PRKN: variants seen among roughly 807,000 people sequenced by gnomAD.
PRKN encodes parkin RBR E3 ubiquitin protein ligase.
In PRKN, 56 loss-of-function variants were observed where a neutral mutation model predicts 59.5. The ratio of observed to expected loss-of-function variants is 0.94; its 90% confidence interval spans 0.76 to 1.18. The LOEUF (loss-of-function observed/expected upper bound fraction) is 1.18, where lower values mean the gene tolerates loss of function less well. PRKN is among the 50% of genes most tolerant of loss of function. PRKN has a pLI of 0.00. For synonymous variants in PRKN, 250 were observed against 222.1 expected, an observed-to-expected ratio of 1.13 and a Z score of -1.12; for missense variants, 657 against 596.4, an observed-to-expected ratio of 1.10 and a Z score of -1.06.
Position 161,378,660 on chromosome 6 carries a change from G to A in PRKN, c.1167+8134C>T, listed in dbSNP as rs1785833444. Among the ~76,000 whole-genome samples the A allele has an allele frequency of 6.6e-6, 1 of 152,192 alleles. No individual in the cohort carries two copies. The highest frequency in any genetic ancestry group is 1.5e-5 in the Non-Finnish European group (1 of 68,030). The stretch of plus-strand genomic sequence containing the variant: ...GTGGGTGCATACCCATGGGAACACT[G>A]GTCCTGTCACACATCCTACTGCCCA... On this transcript the variant is annotated intron_variant, in intron 10 of 11. Transcript: ENST00000366898. This position sits in a 1 kb window ranked among gnomAD's most constrained non-coding sequence, Gnocchi z 7.3.
At chr6:161,685,283 C>T (rs1343416482) in intron 7 of PRKN, among the ~76,000 whole-genome samples, 2 of 152,246 alleles carry the variant, frequency 1.3e-5, no homozygotes, top group East Asian at 3.9e-4. Flanking sequence ...ACGTTCTGCT[C>T]ACATGTACCA....
chr6:162,097,524 T>TTAAGGAAATAAATTTTGCCTGC (rs1203102211), intron 4 of PRKN, among the ~76,000 whole-genome samples: 2 of 152,190 alleles, frequency 1.3e-5, no homozygotes, highest in Non-Finnish European at 2.9e-5. Context: ...GTAATGGTGG[T>TTAAGGAAATAAATTTTGCCTGC]TAAGGAAATA....
intron 1 of PRKN, among the ~76,000 whole-genome samples, chr6:162,479,212 A>C (rs1792173995): frequency 6.6e-6 from 1 of 151,910 alleles, no homozygotes; most frequent in African/African-American, 2.4e-5. Context: ...TTAAAAAAAA[A>C]AACAACCTTT....
chr6:161,570,097 A>G (rs1452900144), intron 7 of PRKN, among the ~76,000 whole-genome samples: 1 of 140,418 alleles, frequency 7.1e-6, no homozygotes, highest in African/African-American at 2.7e-5. Context: ...TTCCTTCTTC[A>G]GTTGTAAAAC....
chr6:161,872,301 T>C (rs531975825), intron 6 of PRKN, among the ~76,000 whole-genome samples: 110 of 152,100 alleles, frequency 7.2e-4, no homozygotes, highest in Non-Finnish European at 1.4e-3. Context: ...AGATGAGCCA[T>C]AAGCCATTGA....
At chr6:162,686,245 G>C (rs995722025) in intron 1 of PRKN, among the ~76,000 whole-genome samples, 3 of 152,072 alleles carry the variant, frequency 2.0e-5, no homozygotes. Context: ...AACTTAAAGG[G>C]TCAGATTCTT....
rs202000685 is a variant in PRKN, at chr6:161,902,536, A to ATCTG, written c.734+70765_734+70766insCAGA. On this transcript the variant is annotated intron_variant, in intron 6 of 11. Transcript: ENST00000366898. ...GTAATAGACATCCGTCTATCTATCT[A>ATCTG]TCTATCTATCTATTTATTTATTTAT... 7.7e-5 allele frequency among the ~76,000 whole-genome samples: 6 copies of ATCTG among 77,912 alleles called. No individual in the cohort carries two copies. In the East Asian group the frequency reaches 2.7e-3, roughly 36 times the overall value. The allele number at this position is 77,912 out of a possible 152,430, so 51.1% of individuals were successfully genotyped here. A position where few individuals can be genotyped will look rare whatever the true frequency, so the allele number is the denominator to read the frequency against.
In PRKN at chr6:161,352,724, AGAGT is replaced by A. The variant is rs1262051126; in HGVS notation, c.1286-2517_1286-2514del. On this transcript the variant is annotated intron_variant, in intron 11 of 11. Coordinates refer to ENST00000366898, the MANE Select transcript of PRKN (RefSeq NM_004562.3). The surrounding 1 kb of genome is among the most constrained non-coding windows in gnomAD (Gnocchi z 5.8). Reference sequence around the variant, plus strand: ...CATATATAAACACAAATATGTATGAAGAGTGTGTGTGTGTGTGTGTGTGTGTGTG... The same window carrying A: ...CATATATAAACACAAATATGTATGAAGTGTGTGTGTGTGTGTGTGTGTGTG... 2.1e-5 allele frequency among the ~76,000 whole-genome samples: 2 copies of A among 95,844 alleles called. No homozygotes were observed. Among genetic ancestry groups the A allele is most frequent in the Non-Finnish European group, 4.6e-5 (2 of 43,228 alleles). The allele number at this position is 95,844 out of a possible 152,430, so 62.9% of individuals were successfully genotyped here.
At chr6:162,563,322 A>T (rs111725091) in intron 1 of PRKN, among the ~76,000 whole-genome samples, 1 of 33,972 alleles carries the variant, frequency 2.9e-5, no homozygotes, top group African/African-American at 1.4e-4. Flanking sequence ...AAAAACAAAA[A>T]AAAAAAAACA....
intron 4 of PRKN, among the ~76,000 whole-genome samples, chr6:162,137,910 A>C (rs1781615984): frequency 1.3e-5 from 2 of 152,204 alleles, no homozygotes; most frequent in Non-Finnish European, 2.9e-5. Context: ...AGTTATATAT[A>C]TAAAATACAT....
At chr6:161,697,311 T>C (rs1202163848) in intron 7 of PRKN, among the ~76,000 whole-genome samples, 2 of 152,226 alleles carry the variant, frequency 1.3e-5, no homozygotes, top group Admixed American at 1.3e-4. Flanking sequence ...AATGATATCA[T>C]GGAATGCACA....
At chr6:162,205,533 A>G (rs921326408) in intron 3 of PRKN, among the ~76,000 whole-genome samples, 5 of 152,076 alleles carry the variant, frequency 3.3e-5, no homozygotes, top group Non-Finnish European at 1.5e-5. Flanking sequence ...GTGGGGAGAG[A>G]GTAAGATTTA....
At position 161,359,152 on chromosome 6, in the gene PRKN, T is replaced by C. The variant is rs1784881426; in HGVS notation, c.1285+936A>G. ...TTCATTTTCTAGGAGCACTGCTGCA[T>C]GCAATGGAGTAATAAGGACACGCTG... On this transcript the variant is annotated intron_variant, in intron 11 of 11. Coordinates refer to ENST00000366898, the MANE Select transcript of PRKN (RefSeq NM_004562.3). This position sits in a 1 kb window ranked among gnomAD's most constrained non-coding sequence, Gnocchi z 5.4. Among the ~76,000 whole-genome samples, 1 of 152,162 alleles carries C rather than the reference T, an allele frequency of 6.6e-6. No individual in the cohort carries two copies. The highest frequency in any genetic ancestry group is 1.9e-4 in the East Asian group (1 of 5,188).
At chr6:161,877,729 A>G (rs1036642110) in intron 6 of PRKN, among the ~76,000 whole-genome samples, 2 of 151,946 alleles carry the variant, frequency 1.3e-5, no homozygotes, top group Non-Finnish European at 2.9e-5. Context: ...CAGCCTCCCA[A>G]AGTGCTGGGA....
At chr6:161,801,286 T>G (rs1791066983) in intron 6 of PRKN, among the ~76,000 whole-genome samples, 1 of 152,228 alleles carries the variant, frequency 6.6e-6, no homozygotes, top group African/African-American at 2.4e-5. Flanking sequence ...GGCTGGAAAC[T>G]GAGTCTTCTG....
chr6:162,354,446 T>C (rs1247025331), intron 2 of PRKN, among the ~76,000 whole-genome samples: 2 of 152,062 alleles, frequency 1.3e-5, no homozygotes, highest in Admixed American at 6.6e-5. Flanking sequence ...TAACTCTAAA[T>C]GAGTAATATA....
intron 1 of PRKN, among the ~76,000 whole-genome samples, chr6:162,651,853 T>A (rs1778450059): frequency 6.6e-6 from 1 of 152,162 alleles, no homozygotes; most frequent in Non-Finnish European, 1.5e-5. Context: ...TATAGTTGAT[T>A]TTCATTCACT....
At position 161,467,342 on chromosome 6, in the gene PRKN, T is replaced by G. The variant is rs1156371468; in HGVS notation, c.1084-80465A>C. Among the ~76,000 whole-genome samples the G allele has an allele frequency of 1.3e-5, 2 of 152,196 alleles. No homozygotes were observed. The highest frequency in any genetic ancestry group is 2.9e-5 in the Non-Finnish European group (2 of 68,040). The stretch of plus-strand genomic sequence containing the variant: ...GCGGTGAATTTGATATAGACACATA[T>G]AATACGAACACGATTCTAGCCCTAT... On this transcript the variant is annotated intron_variant, in intron 9 of 11. Coordinates refer to ENST00000366898, the MANE Select transcript of PRKN (RefSeq NM_004562.3). This position sits in a 1 kb window ranked among gnomAD's most constrained non-coding sequence, Gnocchi z 4.3.
At chr6:161,658,329 C>A (rs1784430328) in intron 7 of PRKN, among the ~76,000 whole-genome samples, 1 of 152,100 alleles carries the variant, frequency 6.6e-6, no homozygotes, top group Non-Finnish European at 1.5e-5. Context: ...ATCGCATCAC[C>A]TTTCAATAAA....
Sources: gnomAD v4.1 joint callset for allele counts (sites outside exome capture counted in the v4.1 genomes callset) on GRCh38, gnomAD v4.1.1 for gene constraint, Gnocchi (gnomAD v3.1) non-coding constraint, MANE v1.5 for transcripts, NCBI Gene and HGNC (gene_info 2026-07-23, HGNC 2026-07-21) for gene names.